Variants in LHFPL2 observed in about 807,000 individuals in gnomAD.
The protein encoded by LHFPL2 is LHFPL tetraspan subfamily member 2, also known as LHFPL tetraspan subfamily member 2 protein.
A neutral mutation model predicts 17.5 loss-of-function variants in LHFPL2; 7 were observed. That is an observed-to-expected ratio of 0.40 (90% CI 0.23 to 0.75). The LOEUF (loss-of-function observed/expected upper bound fraction) is 0.75. Among genes scored for constraint, LHFPL2 ranks in the 30% least tolerant of loss-of-function variants. The pLI is 0.37. For missense variants in LHFPL2, 241 were observed against 294.8 expected, an observed-to-expected ratio of 0.82 and a Z score of 1.34; for synonymous variants, 134 against 116.2, an observed-to-expected ratio of 1.15 and a Z score of -0.99.
intron 2 of LHFPL2, among the ~76,000 whole-genome samples, chr5:78,570,481 CCTT>C (rs1209097192): frequency 1.3e-5 from 2 of 151,990 alleles, no homozygotes; most frequent in African/African-American, 4.8e-5. Context: ...TCTGTGAACT[CCTT>C]CTATTGTAGG....
At chr5:78,622,160 G>T (rs971165062) in intron 2 of LHFPL2, among the ~76,000 whole-genome samples, 1 of 152,096 alleles carries the variant, frequency 6.6e-6, no homozygotes, top group East Asian at 1.9e-4. Context: ...GGAGCTCCAG[G>T]ACACTCAGGA....
intron 3 of LHFPL2, among the ~76,000 whole-genome samples, chr5:78,552,291 G>C (rs1756466004): frequency 6.6e-6 from 1 of 152,080 alleles, no homozygotes; most frequent in African/African-American, 2.4e-5. Flanking sequence ...CCACCACCAT[G>C]CCCGGCTAAT....
intron 4 of LHFPL2, among the ~76,000 whole-genome samples, chr5:78,499,704 T>A (rs189063665): frequency 2.0e-5 from 3 of 152,232 alleles, no homozygotes; most frequent in Non-Finnish European, 2.9e-5. Context: ...CGTGAGGGGT[T>A]ATGGAGAGTG....
intron 3 of LHFPL2, among the ~76,000 whole-genome samples, chr5:78,512,024 T>A (rs1309459788): frequency 6.6e-6 from 1 of 152,138 alleles, no homozygotes; most frequent in South Asian, 2.1e-4. Flanking sequence ...CTCACCAGAT[T>A]GTTGCAAGGA....
intron 2 of LHFPL2, among the ~76,000 whole-genome samples, chr5:78,599,387 C>A (rs1235948393): frequency 6.6e-6 from 1 of 152,060 alleles, no homozygotes; most frequent in East Asian, 1.9e-4. Flanking sequence ...GCAACCTCTG[C>A]CTTCCAAGTT....
At chr5:78,510,455 C>T (rs751980027) in intron 3 of LHFPL2, 57 bp from the exon 4 acceptor site, 5 of 512,510 alleles carry the variant, frequency 9.8e-6, no homozygotes, top group Non-Finnish European at 1.7e-5. Context: ...GCCTTCCCGC[C>T]GCGCAGCGAC....
intron 3 of LHFPL2, among the ~76,000 whole-genome samples, chr5:78,518,335 G>C (rs2003165): frequency 6.6e-6 from 1 of 152,016 alleles, no homozygotes; most frequent in Admixed American, 6.5e-5. Flanking sequence ...TTGGGAGGCC[G>C]AGGCGGGCAG....
In LHFPL2 at chr5:78,488,932, TTTCTTCCTGTACTTTGTCAC is replaced by T. The variant is rs1754343718; in HGVS notation, c.632_651del (p.Ser211AsnfsTer2). 1 of 1,614,042 alleles carries T rather than the reference TTTCTTCCTGTACTTTGTCAC, an allele frequency of 6.2e-7. No homozygotes were observed. Among genetic ancestry groups the T allele is most frequent in the Admixed American group, 1.7e-5 (1 of 60,010 alleles). On this transcript the variant is annotated frameshift_variant, in exon 5 of 5. Transcript: ENST00000380345. LOFTEE classifies it high-confidence loss of function. ...CAGATCAGATTTTTCCCCTCTTCAA[TTTCTTCCTGTACTTTGTCAC>T]TAGAGGTTGCAATTTCTGCTTGTGC...
In LHFPL2 at chr5:78,510,269, A is replaced by C; in HGVS notation, c.-56T>G. 9 of 1,488,642 alleles carry C rather than the reference A, an allele frequency of 6.0e-6. No homozygotes were observed. Among genetic ancestry groups the C allele is most frequent in the Non-Finnish European group, 8.1e-6 (9 of 1,112,478 alleles). The allele number at this position is 1,488,642 out of a possible 1,614,324, so 92.2% of individuals were successfully genotyped here. On this transcript the variant is annotated 5_prime_UTR_variant, in exon 4 of 5. Transcript: ENST00000380345. Reference sequence around the variant, plus strand: ...AGTCCACGGAGTTAATCAAAACAAGAAAGTCGGTGGGGAAGGAGGCTCGGG... The same window carrying C: ...AGTCCACGGAGTTAATCAAAACAAGCAAGTCGGTGGGGAAGGAGGCTCGGG...
intron 2 of LHFPL2, among the ~76,000 whole-genome samples, chr5:78,609,964 G>A (rs1303720636): frequency 1.3e-5 from 2 of 152,074 alleles, no homozygotes; most frequent in African/African-American, 4.8e-5. Flanking sequence ...TCAGGCTGCT[G>A]AAACTCCTGC....
chr5:78,551,836 C>T (rs960893234), intron 3 of LHFPL2, among the ~76,000 whole-genome samples: 2 of 152,146 alleles, frequency 1.3e-5, no homozygotes, highest in Admixed American at 6.5e-5. Flanking sequence ...ACTGTAGGTC[C>T]TAAGACCCTC....
At chr5:78,538,616 G>C (rs1217850626) in intron 3 of LHFPL2, among the ~76,000 whole-genome samples, 4 of 152,156 alleles carry the variant, frequency 2.6e-5, no homozygotes, top group African/African-American at 9.7e-5. Flanking sequence ...CCACAGGAGA[G>C]ACTACAGTTG....
intron 3 of LHFPL2, among the ~76,000 whole-genome samples, chr5:78,553,202 C>T (rs189995825): frequency 2.9e-4 from 44 of 152,348 alleles, no homozygotes; most frequent in African/African-American, 1.0e-3. Flanking sequence ...TACTTCCTGA[C>T]CACACTCTGC....
intron 3 of LHFPL2, among the ~76,000 whole-genome samples, chr5:78,543,690 G>C (rs1034635216): frequency 2.0e-5 from 3 of 152,234 alleles, no homozygotes; most frequent in African/African-American, 7.2e-5. Context: ...GGATACAGGG[G>C]ACCAAGGTGA....
chr5:78,637,398 G>T (rs909586067), intron 1 of LHFPL2, among the ~76,000 whole-genome samples: 2 of 152,066 alleles, frequency 1.3e-5, no homozygotes, highest in Non-Finnish European at 2.9e-5. Context: ...TGGGGGGAGG[G>T]GGGGAAGCCT....
Position 78,546,182 on chromosome 5 carries a change from T to TA in LHFPL2, c.-186+18630_-186+18631insT, listed in dbSNP as rs557709764. Among the ~76,000 whole-genome samples, 687 of 152,374 alleles carry TA rather than the reference T, an allele frequency of 4.5e-3. 3 individuals are homozygous for TA. Among genetic ancestry groups the TA allele is most frequent in the African/African-American group, 0.015 (636 of 41,588 alleles). On this transcript the variant is annotated intron_variant, in intron 3 of 4. Coordinates refer to ENST00000380345, the MANE Select transcript of LHFPL2 (RefSeq NM_005779.3). ...GCACACATTGTTAAGATTATACTGCTGGCTTATTTTCTCTATATTCTCTTT... is the reference window on the plus strand; with the variant it reads ...GCACACATTGTTAAGATTATACTGCTAGGCTTATTTTCTCTATATTCTCTTT...
intron 4 of LHFPL2, among the ~76,000 whole-genome samples, chr5:78,498,103 C>G (rs527690214): frequency 1.3e-5 from 2 of 152,224 alleles, no homozygotes; most frequent in South Asian, 4.1e-4. Context: ...GAGCCACGAC[C>G]ACTTGTGAAA....
In LHFPL2 at chr5:78,648,450, C is replaced by A. The variant is rs1381375350; in HGVS notation, c.-350+49G>T. ...CGGGGCGCCCACCTGGCCGGGCCCA[C>A]CGGCTCTCCCCTCCCGCAGCGCGCG... On this transcript the variant is annotated intron_variant, in intron 1 of 4. Transcript: ENST00000380345. This position sits in a 1 kb window ranked among gnomAD's most constrained non-coding sequence, Gnocchi z 5.4. 6.6e-6 allele frequency: 1 copy of A among 151,540 alleles called. No individual in the cohort carries two copies. Among genetic ancestry groups the A allele is most frequent in the East Asian group, 2.0e-4 (1 of 5,078 alleles). 9.4% of individuals were successfully genotyped at this position (151,540 alleles called of 1,614,324 possible).
At chr5:78,559,411 T>C (rs1289054516) in intron 3 of LHFPL2, among the ~76,000 whole-genome samples, 4 of 152,214 alleles carry the variant, frequency 2.6e-5, no homozygotes, top group South Asian at 2.1e-4. Flanking sequence ...GTGAAGTTTA[T>C]AGTCCATCAA....
Sources: gnomAD v4.1 joint callset for allele counts (sites outside exome capture counted in the v4.1 genomes callset) on GRCh38, gnomAD v4.1.1 for gene constraint, Gnocchi (gnomAD v3.1) non-coding constraint, MANE v1.5 for transcripts, NCBI Gene and HGNC (gene_info 2026-07-23, HGNC 2026-07-21) for gene names.